RBFOX1: variants seen among roughly 807,000 people sequenced by gnomAD.
The protein encoded by RBFOX1 is RNA binding fox-1 homolog 1.
RBFOX1 carries 8 observed loss-of-function variants against 57.7 expected under a neutral mutation model. That is an observed-to-expected ratio of 0.14 (90% CI 0.08 to 0.25). RBFOX1 has a LOEUF of 0.25. RBFOX1 is among the 10% of genes least tolerant of loss of function. The probability of loss-of-function intolerance (pLI) is 1.00; values close to 1 mark genes in which losing one functional copy is unlikely to be tolerated. For synonymous variants in RBFOX1, 326 were observed against 222.4 expected, an observed-to-expected ratio of 1.47 and a Z score of -4.15; for missense variants, 611 against 548.5, an observed-to-expected ratio of 1.11 and a Z score of -1.14.
At chr16:7,302,957 T>A (rs368915002) in intron 4 of RBFOX1, among the ~76,000 whole-genome samples, 5 of 152,202 alleles carry the variant, frequency 3.3e-5, no homozygotes, top group South Asian at 4.1e-4. Context: ...ATAAAAAAAA[T>A]AAATAAATAA....
chr16:5,646,052 C>T lies in RBFOX1; in HGVS notation c.318+47091C>T, dbSNP rs138252043. ...TAATTTTTTTTTTCTATTTTTGAGA[C>T]GGAGTCTCGCTGTGTTGCCCAGGTT... On this transcript the variant is annotated intron_variant, in intron 3 of 19. Transcript: ENST00000641259. Among the ~76,000 whole-genome samples, 100 of 151,552 alleles carry T rather than the reference C, an allele frequency of 6.6e-4. 1 individual carries two copies. Among genetic ancestry groups the T allele is most frequent in the South Asian group, 3.1e-3 (15 of 4,786 alleles).
At position 6,649,898 on chromosome 16, in the gene RBFOX1, T is replaced by C. The variant is rs1043832856; in HGVS notation, c.-63-4705T>C. ...TATTCCAATATACCACACTTTCTTT[T>C]ATCTACTTGTGGATTGGTGGGCCTT... On this transcript the variant is annotated intron_variant, in intron 2 of 15. Transcript: ENST00000550418. Among the ~76,000 whole-genome samples the C allele has an allele frequency of 6.6e-5, 10 of 152,236 alleles. 1 individual carries two copies. Among genetic ancestry groups the C allele is most frequent in the Admixed American group, 6.5e-5 (1 of 15,286 alleles).
chr16:6,629,305 G>T (rs1030530930), intron 2 of RBFOX1, among the ~76,000 whole-genome samples: 1 of 152,144 alleles, frequency 6.6e-6, no homozygotes, highest in South Asian at 2.1e-4. Context: ...AATGTGCGAG[G>T]CTACACTGAT....
intron 2 of RBFOX1, among the ~76,000 whole-genome samples, chr16:6,330,780 A>G (rs951965296): frequency 5.3e-5 from 8 of 152,228 alleles, no homozygotes; most frequent in Non-Finnish European, 8.8e-5. Flanking sequence ...TAAACACACC[A>G]GCGTGTGATA....
Position 6,107,720 on chromosome 16 carries a change from TGTGG to T in RBFOX1, c.-127+87745_-127+87748del, listed in dbSNP as rs145408046. On this transcript the variant is annotated intron_variant, in intron 1 of 15. Transcript: ENST00000550418. ...GGGTGAGTGGATGGATGGATGGATT[TGTGG>T]GTGGGTGGGTGGGTGGATGGATGGA... is the stretch of plus-strand genomic sequence containing the variant. 2.9e-3 allele frequency among the ~76,000 whole-genome samples: 230 copies of T among 79,438 alleles called. 2 individuals carry two copies. The highest frequency in any genetic ancestry group is 0.011 in the African/African-American group (221 of 20,380). 52.1% of individuals were successfully genotyped at this position (79,438 alleles called of 152,430 possible). A position where few individuals can be genotyped will look rare whatever the true frequency, so the allele number is the denominator to read the frequency against.
In RBFOX1 at chr16:7,301,823, G is replaced by A. The variant is rs1334009320; in HGVS notation, c.28-216324G>A. On this transcript the variant is annotated intron_variant, in intron 4 of 15. Transcript: ENST00000550418. ...ACGCAACAGTAAAGAATGGGAAAGG[G>A]AGAGTGAGGATTGGAAAGGTAGAAT... Among the ~76,000 whole-genome samples, 15 of 152,336 alleles carry A rather than the reference G, an allele frequency of 9.8e-5. No individual in the cohort carries two copies. The East Asian group carries it at 2.9e-3, about 29-fold the overall frequency.
At chr16:6,651,282 C>G (rs866981571) in intron 2 of RBFOX1, among the ~76,000 whole-genome samples, 1 of 152,226 alleles carries the variant, frequency 6.6e-6, no homozygotes, top group East Asian at 1.9e-4. Flanking sequence ...CATGGCCAGG[C>G]TACAGACCGT....
chr16:6,107,817 C>G (rs1030316144), intron 1 of RBFOX1, among the ~76,000 whole-genome samples: 2 of 151,998 alleles, frequency 1.3e-5, no homozygotes, highest in African/African-American at 4.8e-5. Flanking sequence ...ATCTTACTGT[C>G]TATACCTTAC....
At chr16:6,098,543 AATTAATTATAGAAGC>A in intron 1 of RBFOX1, among the ~76,000 whole-genome samples, 1 of 152,344 alleles carries the variant, frequency 6.6e-6, no homozygotes, top group Non-Finnish European at 1.5e-5. Flanking sequence ...AGTCAAGAGC[AATTAATTATAGAAGC>A]ATTAGTCCTG....
chr16:6,367,224 G>C (rs1413547125), intron 2 of RBFOX1, among the ~76,000 whole-genome samples: 1 of 151,910 alleles, frequency 6.6e-6, no homozygotes, highest in African/African-American at 2.4e-5. Flanking sequence ...TGTCACTGTA[G>C]GTTTAGCCCT....
At chr16:5,718,186 T>C (rs2051790214) in intron 3 of RBFOX1, among the ~76,000 whole-genome samples, 1 of 152,228 alleles carries the variant, frequency 6.6e-6, no homozygotes, top group African/African-American at 2.4e-5. Context: ...TGCTGTTCTT[T>C]AAGCTTGTGC....
intron 3 of RBFOX1, among the ~76,000 whole-genome samples, chr16:6,661,290 C>T (rs796229684): frequency 2.2e-4 from 34 of 152,278 alleles, no homozygotes; most frequent in African/African-American, 8.2e-4. Context: ...TGCCTAATTC[C>T]AGGCTCTGTC....
At chr16:6,616,092 G>A (rs991345039) in intron 2 of RBFOX1, among the ~76,000 whole-genome samples, 1 of 152,086 alleles carries the variant, frequency 6.6e-6, no homozygotes, top group Non-Finnish European at 1.5e-5. Context: ...ATGAGGACAG[G>A]GCCCCAATCC....
At position 5,754,342 on chromosome 16, in the gene RBFOX1, C is replaced by G. The variant is rs114665970; in HGVS notation, c.319-112961C>G. Among the ~76,000 whole-genome samples the G allele has an allele frequency of 8.6e-3, 1,303 of 152,144 alleles. 27 individuals are homozygous for G. Among genetic ancestry groups the G allele is most frequent in the African/African-American group, 0.03 (1,257 of 41,472 alleles). Reference sequence around the variant, plus strand: ...GTTTAGTTGGTGCAATGTTCATGTTCGCTCCTATTGTTAGGAAGGAAGGGA... The same window carrying G: ...GTTTAGTTGGTGCAATGTTCATGTTGGCTCCTATTGTTAGGAAGGAAGGGA... On this transcript the variant is annotated intron_variant, in intron 3 of 19. Transcript: ENST00000641259.
intron 1 of RBFOX1, among the ~76,000 whole-genome samples, chr16:5,288,053 G>T (rs138023704): frequency 3.6e-4 from 55 of 152,308 alleles, no homozygotes; most frequent in African/African-American, 1.3e-3. Flanking sequence ...TGTCCTGCAG[G>T]TCTGCATGTA....
intron 3 of RBFOX1, among the ~76,000 whole-genome samples, chr16:6,973,013 C>G (rs1018900913): frequency 7.9e-5 from 12 of 152,054 alleles, no homozygotes; most frequent in Admixed American, 6.6e-4. Context: ...CACCTGTAAT[C>G]CCAGCTACTT....
intron 1 of RBFOX1, among the ~76,000 whole-genome samples, chr16:5,336,282 C>G (rs12444601): frequency 0.089 from 13,538 of 152,174 alleles, 910 homozygotes; most frequent in East Asian, 0.22. Context: ...ATTTCCTGGG[C>G]ACTTCCTTTG....
chr16:6,892,155 C>G (rs2065597769), intron 3 of RBFOX1, among the ~76,000 whole-genome samples: 1 of 152,172 alleles, frequency 6.6e-6, no homozygotes, highest in Admixed American at 6.5e-5. Flanking sequence ...TGCAGACCCT[C>G]TTTGCACCCC....
intron 2 of RBFOX1, among the ~76,000 whole-genome samples, chr16:6,494,844 A>G (rs988026780): frequency 3.3e-5 from 5 of 152,246 alleles, no homozygotes; most frequent in African/African-American, 1.2e-4. Context: ...TTACATAAAC[A>G]CGGCACTAAA....
Sources: allele counts gnomAD v4.1 joint callset (sites outside exome capture counted in the v4.1 genomes callset), GRCh38; gene constraint gnomAD v4.1.1; transcripts MANE v1.5; gene names NCBI Gene and HGNC (gene_info 2026-07-23, HGNC 2026-07-21).